NKAIN2: variants seen among roughly 807,000 people sequenced by gnomAD.
NKAIN2 encodes sodium/potassium-transporting ATPase subunit beta-1-interacting protein 2.
Under a neutral mutation model 32.6 loss-of-function variants are expected in NKAIN2, and 14 were observed. That is an observed-to-expected ratio of 0.43 (90% CI 0.28 to 0.67). The LOEUF (loss-of-function observed/expected upper bound fraction) is 0.67, where lower values mean the gene tolerates loss of function less well. Among genes scored for constraint, NKAIN2 ranks in the 30% least tolerant of loss-of-function variants. The pLI is 0.17. For missense variants in NKAIN2, 198 were observed against 258.3 expected (o/e 0.77, Z 1.60); for synonymous variants, 80 against 87.2 (o/e 0.92, Z 0.46).
At chr6:124,657,822 G>T (rs1275666570) in intron 3 of NKAIN2, among the ~76,000 whole-genome samples, 1 of 152,028 alleles carries the variant, frequency 6.6e-6, no homozygotes, top group Non-Finnish European at 1.5e-5. Context: ...AGAATAGCAT[G>T]AACTTCACTT....
At chr6:124,774,856 CAAAAA>C (rs777636496) in intron 4 of NKAIN2, among the ~76,000 whole-genome samples, 8 of 72,782 alleles carry the variant, frequency 1.1e-4, no homozygotes, top group Non-Finnish European at 2.4e-4. Context: ...AACTTCATCT[CAAAAA>C]AAAAAAAAAA....
At chr6:124,575,763 T>C (rs1438207360) in intron 3 of NKAIN2, among the ~76,000 whole-genome samples, 1 of 152,224 alleles carries the variant, frequency 6.6e-6, no homozygotes, top group Admixed American at 6.5e-5. Context: ...TTTTGAAAGC[T>C]AGTACTGCTT....
At chr6:124,554,456 G>A (rs1780402042) in intron 3 of NKAIN2, among the ~76,000 whole-genome samples, 1 of 152,210 alleles carries the variant, frequency 6.6e-6, no homozygotes, top group Non-Finnish European at 1.5e-5. Flanking sequence ...ACCCAAGGTT[G>A]CTTCTAAGTA....
At chr6:124,689,373 T>C (rs533918931) in intron 4 of NKAIN2, among the ~76,000 whole-genome samples, 3 of 152,266 alleles carry the variant, frequency 2.0e-5, no homozygotes, top group South Asian at 2.1e-4. Context: ...TTATCATATA[T>C]GTTTTTGGAA....
At chr6:124,408,571 C>T (rs1400323316) in intron 3 of NKAIN2, among the ~76,000 whole-genome samples, 6 of 152,166 alleles carry the variant, frequency 3.9e-5, no homozygotes, top group Non-Finnish European at 8.8e-5. Flanking sequence ...TGTTTTGGTA[C>T]CAGTACCATG....
intron 1 of NKAIN2, among the ~76,000 whole-genome samples, chr6:123,935,184 A>G (rs1039980795): frequency 3.4e-5 from 5 of 147,856 alleles, no homozygotes; most frequent in African/African-American, 1.2e-4. Flanking sequence ...AATATATTAA[A>G]TAAATAAATA....
chr6:124,580,524 A>G (rs1583469456), intron 3 of NKAIN2, among the ~76,000 whole-genome samples: 1 of 152,346 alleles, frequency 6.6e-6, no homozygotes, highest in East Asian at 1.9e-4. Context: ...TGCACAAAAA[A>G]TTAAAAGCAA....
intron 3 of NKAIN2, among the ~76,000 whole-genome samples, chr6:124,449,729 A>G (rs1390078093): frequency 6.6e-6 from 1 of 152,076 alleles, no homozygotes; most frequent in Admixed American, 6.6e-5. Context: ...GTTTTGAGTC[A>G]TTATAAAGTT....
intron 1 of NKAIN2, among the ~76,000 whole-genome samples, chr6:124,050,421 G>A (rs1375788084): frequency 6.6e-6 from 1 of 152,012 alleles, no homozygotes; most frequent in Admixed American, 6.6e-5. Context: ...TCCTTCAGTT[G>A]TATAATACAC....
chr6:124,008,303 G>A (rs1487039244), intron 1 of NKAIN2, among the ~76,000 whole-genome samples: 1 of 152,162 alleles, frequency 6.6e-6, no homozygotes, highest in East Asian at 1.9e-4. Flanking sequence ...AGCAACGAAA[G>A]AGTAGAACTA....
chr6:124,614,632 T>C (rs1782814447), intron 3 of NKAIN2, among the ~76,000 whole-genome samples: 1 of 152,152 alleles, frequency 6.6e-6, no homozygotes, highest in African/African-American at 2.4e-5. Context: ...GCTGGATGGT[T>C]GTCTTTATTC....
intron 3 of NKAIN2, among the ~76,000 whole-genome samples, chr6:124,422,753 G>A (rs1393194652): frequency 6.6e-6 from 1 of 152,184 alleles, no homozygotes; most frequent in Non-Finnish European, 1.5e-5. Flanking sequence ...GGTTAGAATT[G>A]CATTGAGCCA....
chr6:124,377,049 T>G (rs1369387860), intron 3 of NKAIN2, among the ~76,000 whole-genome samples: 2 of 152,174 alleles, frequency 1.3e-5, no homozygotes, highest in Admixed American at 6.5e-5. Flanking sequence ...TTTAGAGTTT[T>G]CTGATCTATG....
chr6:124,491,579 C>A (rs1777864465), intron 3 of NKAIN2, among the ~76,000 whole-genome samples: 1 of 151,586 alleles, frequency 6.6e-6, no homozygotes, highest in Admixed American at 6.6e-5. Flanking sequence ...GTATGTATGC[C>A]CTTTTTTAGC....
At chr6:124,496,097 T>A (rs1228070830) in intron 3 of NKAIN2, among the ~76,000 whole-genome samples, 1 of 152,158 alleles carries the variant, frequency 6.6e-6, no homozygotes, top group Non-Finnish European at 1.5e-5. Context: ...TATCTCAATT[T>A]ATTATAAAGC....
intron 4 of NKAIN2, among the ~76,000 whole-genome samples, chr6:124,687,019 G>T (rs111745809): frequency 0.068 from 10,295 of 151,882 alleles, 532 homozygotes; most frequent in African/African-American, 0.14. Flanking sequence ...TTGAACATCA[G>T]ACTCCAAGTT....
intron 3 of NKAIN2, among the ~76,000 whole-genome samples, chr6:124,652,330 A>G (rs1231775679): frequency 3.3e-5 from 5 of 152,222 alleles, no homozygotes; most frequent in African/African-American, 1.2e-4. Context: ...TAAGTAATCT[A>G]TATGAAGTTT....
chr6:124,426,635 T>C (rs1315104827), intron 3 of NKAIN2, among the ~76,000 whole-genome samples: 1 of 152,144 alleles, frequency 6.6e-6, no homozygotes, highest in East Asian at 1.9e-4. Flanking sequence ...AAAATATTTT[T>C]TGAAGTAGCA....
At chr6:124,248,358 C>G (rs372273867) in intron 1 of NKAIN2, among the ~76,000 whole-genome samples, 1 of 151,982 alleles carries the variant, frequency 6.6e-6, no homozygotes, top group South Asian at 2.1e-4. Context: ...ATGCCTTCTA[C>G]TGTTAAGTGG....
Sources: allele counts gnomAD v4.1 joint callset (sites outside exome capture counted in the v4.1 genomes callset), GRCh38; gene constraint gnomAD v4.1.1; transcripts MANE v1.5; gene names NCBI Gene and HGNC (gene_info 2026-07-23, HGNC 2026-07-21).